RABGAP1L: variants seen among roughly 807,000 people sequenced by gnomAD.
RABGAP1L encodes the protein rab GTPase-activating protein 1-like.
In RABGAP1L, 63 loss-of-function variants were observed where a neutral mutation model predicts 137.7. The observed-to-expected ratio is 0.46, with a 90% CI of 0.37 to 0.56. The LOEUF (loss-of-function observed/expected upper bound fraction) is 0.56, where lower values mean the gene tolerates loss of function less well. Ranked by LOEUF, RABGAP1L falls within the 20% of genes least tolerant of loss-of-function variation. The pLI is 0.00. For missense variants in RABGAP1L, 1,095 were observed against 1,244.0 expected (o/e 0.88, Z 1.80); for synonymous variants, 431 against 433.7 (o/e 0.99, Z 0.08).
intron 13 of RABGAP1L, among the ~76,000 whole-genome samples, chr1:174,527,177 T>C (rs1663946622): frequency 6.6e-6 from 1 of 151,534 alleles, no homozygotes; most frequent in South Asian, 2.1e-4. Flanking sequence ...TTCATTGTGG[T>C]CTGAGAAAAC....
chr1:174,867,100 T>TAGCC (rs1445720096), intron 19 of RABGAP1L, among the ~76,000 whole-genome samples: 1 of 150,398 alleles, frequency 6.6e-6, no homozygotes, highest in Non-Finnish European at 1.5e-5. Context: ...AAATGATAGA[T>TAGCC]AGCCAGCCAT....
At chr1:174,971,802 C>A (rs1262418987) in intron 21 of RABGAP1L, among the ~76,000 whole-genome samples, 3 of 152,206 alleles carry the variant, frequency 2.0e-5, no homozygotes, top group African/African-American at 7.2e-5. Context: ...CTTTCCCATT[C>A]CCAGTTCATG....
At chr1:174,427,938 C>T (rs930433376) in intron 13 of RABGAP1L, among the ~76,000 whole-genome samples, 2 of 152,172 alleles carry the variant, frequency 1.3e-5, no homozygotes, top group Admixed American at 6.5e-5. Flanking sequence ...CACACTCAGA[C>T]CTGTGTTGGT....
At chr1:174,391,229 G>A (rs1687186683) in intron 12 of RABGAP1L, among the ~76,000 whole-genome samples, 1 of 152,194 alleles carries the variant, frequency 6.6e-6, no homozygotes, top group African/African-American at 2.4e-5. Context: ...GGAAGAAATA[G>A]AGATAGTGCT....
intron 14 of RABGAP1L, 44 bp from the exon 15 acceptor site, chr1:174,683,478 C>T (rs149286034): frequency 6.8e-7 from 1 of 1,476,770 alleles, no homozygotes; most frequent in Non-Finnish European, 9.4e-7. Flanking sequence ...AAGTTAAAAT[C>T]TGTGACTATT....
intron 10 of RABGAP1L, among the ~76,000 whole-genome samples, chr1:174,288,341 A>G (rs1045644135): frequency 3.3e-5 from 5 of 152,158 alleles, no homozygotes; most frequent in Admixed American, 3.3e-4. Context: ...GTTAATTAGT[A>G]TCCTTTCATT....
intron 19 of RABGAP1L, among the ~76,000 whole-genome samples, chr1:174,820,729 A>G (rs1690930378): frequency 6.6e-6 from 1 of 152,194 alleles, no homozygotes; most frequent in African/African-American, 2.4e-5. Context: ...TTCTGATACT[A>G]GAAAGTAATA....
Position 174,969,282 on chromosome 1 carries a change from G to C in RABGAP1L, c.2439G>C (p.Glu813Asp). ...QEDPMDRYKRENRRLQEASMR... is the reference protein window; with the variant it reads ...QEDPMDRYKRDNRRLQEASMR... ...TGGCTATTGTTCTTCTGCAGAGGGA[G>C]AACCGAAGATTACAGGAGGCCAGCA... Residue 813 changes from glutamate to aspartate, a missense_variant, in exon 21 of 26, where the codon GAG becomes GAC. By Grantham distance (45) the Glu-to-Asp change is conservative (BLOSUM62 2). Transcript: ENST00000681986. 1.3e-6 allele frequency: 2 copies of C among 1,550,522 alleles called. No homozygotes were observed. The highest frequency in any genetic ancestry group is 2.4e-5 in the South Asian group (2 of 84,036).
At chr1:174,666,292 C>T (rs1676779617) in intron 14 of RABGAP1L, among the ~76,000 whole-genome samples, 1 of 152,160 alleles carries the variant, frequency 6.6e-6, no homozygotes, top group Non-Finnish European at 1.5e-5. Flanking sequence ...ATAGATGAAA[C>T]AGTTTGTCTA....
At chr1:174,335,241 A>G (rs1681378042) in intron 11 of RABGAP1L, among the ~76,000 whole-genome samples, 1 of 152,240 alleles carries the variant, frequency 6.6e-6, no homozygotes, top group African/African-American at 2.4e-5. Flanking sequence ...AGGTGGCATA[A>G]AAATGCTTTC....
chr1:174,957,902 G>T, intron 20 of RABGAP1L: 2 of 1,585,312 alleles, frequency 1.3e-6, no homozygotes, highest in Non-Finnish European at 1.7e-6. Flanking sequence ...TTGTATATTT[G>T]TAGGTAACTC....
intron 13 of RABGAP1L, among the ~76,000 whole-genome samples, chr1:174,526,454 A>G (rs530055707): frequency 1.5e-4 from 23 of 152,266 alleles, no homozygotes; most frequent in Admixed American, 1.1e-3. Context: ...CTCAGCAGTG[A>G]ATCTCTCCAG....
intron 13 of RABGAP1L, among the ~76,000 whole-genome samples, chr1:174,559,748 A>C (rs999797864): frequency 1.3e-5 from 2 of 152,160 alleles, no homozygotes; most frequent in African/African-American, 4.8e-5. Flanking sequence ...CAAAAGCATG[A>C]CCTGGGAACA....
chr1:174,669,442 A>C (rs1165307579), intron 14 of RABGAP1L, among the ~76,000 whole-genome samples: 1 of 151,870 alleles, frequency 6.6e-6, no homozygotes, highest in African/African-American at 2.4e-5. Context: ...TTGTCTCTTC[A>C]CTCTGTTGGT....
chr1:174,431,912 AT>A (rs995307095), intron 13 of RABGAP1L, among the ~76,000 whole-genome samples: 2 of 151,784 alleles, frequency 1.3e-5, no homozygotes, highest in African/African-American at 4.8e-5. Flanking sequence ...GAGTAAAACA[AT>A]TTTTTTTTAA....
At chr1:174,926,001 C>A (rs1474960807) in intron 19 of RABGAP1L, among the ~76,000 whole-genome samples, 1 of 149,064 alleles carries the variant, frequency 6.7e-6, no homozygotes. Flanking sequence ...GTAGCTGGGT[C>A]TACAGGTGTG....
chr1:174,179,640 G>A (rs1010322291), intron 1 of RABGAP1L, among the ~76,000 whole-genome samples: 1 of 151,926 alleles, frequency 6.6e-6, no homozygotes, highest in African/African-American at 2.4e-5. Context: ...TGGTGCTGCT[G>A]TTTCATTTGT....
chr1:174,223,649 A>G (rs1226863769), intron 3 of RABGAP1L, among the ~76,000 whole-genome samples: 1 of 152,200 alleles, frequency 6.6e-6, no homozygotes, highest in African/African-American at 2.4e-5. Flanking sequence ...GTTGATTGAT[A>G]GGAGTCAACC....
At chr1:174,576,101 A>G (rs1334340630) in intron 13 of RABGAP1L, among the ~76,000 whole-genome samples, 2 of 152,214 alleles carry the variant, frequency 1.3e-5, no homozygotes, top group East Asian at 3.8e-4. Flanking sequence ...GTAACCTATG[A>G]TCAGCAAGAT....
Sources: gnomAD v4.1 joint callset for allele counts (sites outside exome capture counted in the v4.1 genomes callset) on GRCh38, gnomAD v4.1.1 for gene constraint, MANE v1.5 for transcripts, NCBI Gene and HGNC (gene_info 2026-07-23, HGNC 2026-07-21) for gene names.